PHACTR1: variants seen among roughly 807,000 people sequenced by gnomAD.
The protein encoded by PHACTR1 is phosphatase and actin regulator 1, also known as RPEL repeat containing 1.
In PHACTR1, 16 loss-of-function variants were observed where a neutral mutation model predicts 69.2. The observed-to-expected ratio is 0.23, with a 90% CI of 0.16 to 0.35. The LOEUF is 0.35. PHACTR1 is among the 10% of genes least tolerant of loss of function. The pLI, the probability that PHACTR1 is intolerant of heterozygous loss-of-function variation, is 1.00. For missense variants in PHACTR1, 510 were observed against 734.7 expected (o/e 0.69, Z 3.54); for synonymous variants, 312 against 284.5 (o/e 1.10, Z -0.97).
intron 4 of PHACTR1, among the ~76,000 whole-genome samples, chr6:12,760,622 G>C (rs1175121821): frequency 6.6e-6 from 1 of 152,074 alleles, no homozygotes; most frequent in Non-Finnish European, 1.5e-5. Context: ...CGTACATGTT[G>C]GTCAGAAGAT....
chr6:13,037,206 C>T (rs964238336), intron 4 of PHACTR1, among the ~76,000 whole-genome samples: 2 of 152,188 alleles, frequency 1.3e-5, no homozygotes, highest in Non-Finnish European at 2.9e-5. Context: ...CACATCCTGA[C>T]ACCATAGTGA....
chr6:13,085,807 A>G (rs1250762020), intron 5 of PHACTR1, among the ~76,000 whole-genome samples: 6 of 152,090 alleles, frequency 3.9e-5, no homozygotes, highest in Non-Finnish European at 8.8e-5. Context: ...TTATACATTC[A>G]GCATTAAACG....
chr6:13,286,109 C>T (rs1434146931), intron 13 of PHACTR1, 37 bp from the exon 14 acceptor site: 1 of 1,549,892 alleles, frequency 6.5e-7, no homozygotes. Flanking sequence ...TTCTGTCTCT[C>T]TCCCATTGCA....
chr6:13,195,757 C>CAAAAAAAAAAAAAAAAAAAAAAAAAAA lies in PHACTR1; in HGVS notation c.665-10035_665-10034insAAAAAAAAAAAAAAAAAAAAAAAAAAA, dbSNP rs869092852. ...TGGGCGACAGAGAGAGACACCGTCT[C>CAAAAAAAAAAAAAAAAAAAAAAAAAAA]AAAAAAAAAAAAAAAAAAAAAAAGT... On this transcript the variant is annotated intron_variant, in intron 7 of 14. Transcript: ENST00000332995. Among the ~76,000 whole-genome samples, 29 of 41,480 alleles carry CAAAAAAAAAAAAAAAAAAAAAAAAAAA rather than the reference C, an allele frequency of 7.0e-4. 4 individuals carry two copies. The highest frequency in any genetic ancestry group is 0.019 in the Middle Eastern group (1 of 52). 27.2% of individuals were successfully genotyped at this position (41,480 alleles called of 152,430 possible).
At chr6:13,091,996 C>T (rs1813359845) in intron 5 of PHACTR1, among the ~76,000 whole-genome samples, 1 of 152,138 alleles carries the variant, frequency 6.6e-6, no homozygotes, top group Non-Finnish European at 1.5e-5. Flanking sequence ...GACGGGGTTT[C>T]ACTGTGTTAG....
At chr6:12,828,222 C>A (rs1355046498) in intron 4 of PHACTR1, among the ~76,000 whole-genome samples, 1 of 152,156 alleles carries the variant, frequency 6.6e-6, no homozygotes, top group Admixed American at 6.5e-5. Flanking sequence ...TAAAGTGGGA[C>A]ATTTTGCTTC....
chr6:12,759,442 C>A (rs1456210670), intron 4 of PHACTR1, among the ~76,000 whole-genome samples: 118 of 132,412 alleles, frequency 8.9e-4, no homozygotes, highest in East Asian at 9.8e-4. Context: ...AAGGCATTTG[C>A]AAAAAAAAAA....
At chr6:13,073,768 C>T (rs1809933195) in intron 5 of PHACTR1, among the ~76,000 whole-genome samples, 1 of 152,110 alleles carries the variant, frequency 6.6e-6, no homozygotes, top group Non-Finnish European at 1.5e-5. Flanking sequence ...CCAGATGACA[C>T]ACAAGCCCCT....
chr6:12,893,871 A>G (rs2876300), intron 4 of PHACTR1, among the ~76,000 whole-genome samples: 37,885 of 152,032 alleles, frequency 0.25, 5,033 homozygotes, highest in Middle Eastern at 0.37. Context: ...CTGCAGGGAG[A>G]GAAGATTCTG....
intron 7 of PHACTR1, among the ~76,000 whole-genome samples, chr6:13,189,398 C>CTT (rs1321282206): frequency 1.3e-5 from 2 of 148,298 alleles, no homozygotes; most frequent in African/African-American, 2.5e-5. Context: ...CCCACCCCCC[C>CTT]TTTTTTTTTT....
intron 4 of PHACTR1, among the ~76,000 whole-genome samples, chr6:12,762,921 A>C (rs1166208806): frequency 6.6e-6 from 1 of 152,194 alleles, no homozygotes; most frequent in East Asian, 1.9e-4. Flanking sequence ...TGTTTCATAG[A>C]ACAGCAGTCA....
intron 4 of PHACTR1, among the ~76,000 whole-genome samples, chr6:12,922,593 A>G (rs1787840332): frequency 6.6e-6 from 1 of 152,204 alleles, no homozygotes. Context: ...ACAAGAACAT[A>G]TATCTCCTAG....
intron 5 of PHACTR1, among the ~76,000 whole-genome samples, chr6:13,059,143 TAAAAA>T (rs1280922836): frequency 6.6e-6 from 1 of 151,928 alleles, no homozygotes; most frequent in Non-Finnish European, 1.5e-5. Flanking sequence ...TATTTAGTCT[TAAAAA>T]AGAAGGAAAT....
intron 10 of PHACTR1, chr6:13,267,882 A>C (rs919435255): frequency 2.1e-5 from 3 of 141,312 alleles, no homozygotes; most frequent in African/African-American, 8.0e-5. Flanking sequence ...AGCAGGACAG[A>C]TGTGAGCGTG....
At chr6:13,176,825 T>G (rs1246777996) in intron 6 of PHACTR1, among the ~76,000 whole-genome samples, 4 of 152,150 alleles carry the variant, frequency 2.6e-5, no homozygotes, top group Non-Finnish European at 5.9e-5. Context: ...CAATGGTTAT[T>G]TATTAAATAA....
At chr6:12,758,373 CG>C (rs1561855804) in intron 4 of PHACTR1, among the ~76,000 whole-genome samples, 3 of 144,470 alleles carry the variant, frequency 2.1e-5, no homozygotes, top group Admixed American at 1.4e-4. Flanking sequence ...ACCCAGGAGG[CG>C]GAGGTGAGCA....
At chr6:13,038,230 T>G (rs761606075) in intron 4 of PHACTR1, among the ~76,000 whole-genome samples, 49 of 152,162 alleles carry the variant, frequency 3.2e-4, no homozygotes, top group Non-Finnish European at 6.3e-4. Flanking sequence ...GTTAAAAACT[T>G]GGCTGGTGTT....
chr6:12,968,226 T>C (rs922195491), intron 4 of PHACTR1, among the ~76,000 whole-genome samples: 1 of 152,200 alleles, frequency 6.6e-6, no homozygotes, highest in Admixed American at 6.5e-5. Context: ...CAGAGATAAC[T>C]TCTCTACTGA....
In PHACTR1 at chr6:12,836,221, G is replaced by A. The variant is rs897041574; in HGVS notation, c.250+86431G>A. Among the ~76,000 whole-genome samples the A allele has an allele frequency of 9.9e-5, 15 of 152,090 alleles. 1 individual carries two copies. Among genetic ancestry groups the A allele is most frequent in the Non-Finnish European group, 1.8e-4 (12 of 68,014 alleles). Reference sequence around the variant, plus strand: ...CCTTAAAATATGAAGTATCAGCCTGGTACTGAGTTTCAACTGCTGTCTCCC... The same window carrying A: ...CCTTAAAATATGAAGTATCAGCCTGATACTGAGTTTCAACTGCTGTCTCCC... On this transcript the variant is annotated intron_variant, in intron 4 of 14. Transcript: ENST00000332995.
Sources: allele counts gnomAD v4.1 joint callset (sites outside exome capture counted in the v4.1 genomes callset), GRCh38; gene constraint gnomAD v4.1.1; transcripts MANE v1.5; gene names NCBI Gene and HGNC (gene_info 2026-07-23, HGNC 2026-07-21).